Variants in DCC observed in about 807,000 individuals in gnomAD.
The protein encoded by DCC is netrin receptor DCC.
A neutral mutation model predicts 172.5 loss-of-function variants in DCC; 58 were observed. The observed-to-expected ratio is 0.34, with a 90% confidence interval of 0.27 to 0.42. The LOEUF is 0.42. Ranked by LOEUF, DCC falls within the 10% of genes least tolerant of loss-of-function variation. DCC has a pLI of 1.00. For synonymous variants in DCC, 709 were observed against 644.5 expected (o/e 1.10, Z -1.52); for missense variants, 1,740 against 1,791.0 (o/e 0.97, Z 0.51).
intron 1 of DCC, among the ~76,000 whole-genome samples, chr18:52,354,367 G>A (rs560150315): frequency 6.6e-6 from 1 of 152,234 alleles, no homozygotes; most frequent in African/African-American, 2.4e-5. Context: ...TGATAGCAAG[G>A]CCTATTATGA....
chr18:52,800,431 G>T (rs949388872), intron 2 of DCC, among the ~76,000 whole-genome samples: 2 of 152,202 alleles, frequency 1.3e-5, no homozygotes, highest in African/African-American at 4.8e-5. Context: ...TTTCCAGTGA[G>T]ATTTGAGCAG....
intron 1 of DCC, among the ~76,000 whole-genome samples, chr18:52,592,296 G>A (rs1044362763): frequency 6.6e-6 from 1 of 152,156 alleles, no homozygotes; most frequent in Non-Finnish European, 1.5e-5. Context: ...AGGAAAGAAA[G>A]GAGCATTTCA....
chr18:53,257,358 A>T (rs1251068249), intron 12 of DCC, among the ~76,000 whole-genome samples: 1 of 152,190 alleles, frequency 6.6e-6, no homozygotes, highest in Non-Finnish European at 1.5e-5. Context: ...TTTGTCATAG[A>T]TAGCTCTGAT....
At chr18:53,460,277 T>TTTTG (rs1555674670) in intron 24 of DCC, among the ~76,000 whole-genome samples, 5 of 32,374 alleles carry the variant, frequency 1.5e-4, no homozygotes, top group African/African-American at 3.4e-4. Flanking sequence ...AGCTCCTGTT[T>TTTTG]TTTTTTTTTT....
At chr18:52,352,012 G>A (rs1431555237) in intron 1 of DCC, among the ~76,000 whole-genome samples, 3 of 152,044 alleles carry the variant, frequency 2.0e-5, no homozygotes, top group Non-Finnish European at 4.4e-5. Context: ...AGCCTAGGGG[G>A]AAAAAGCATC....
intron 1 of DCC, among the ~76,000 whole-genome samples, chr18:52,386,659 C>A (rs1029666641): frequency 6.6e-6 from 1 of 151,912 alleles, no homozygotes; most frequent in Non-Finnish European, 1.5e-5. Context: ...ATGGTTTAGG[C>A]AGAGGGAAAG....
chr18:53,177,649 T>A (rs569538529), intron 8 of DCC, among the ~76,000 whole-genome samples: 17 of 152,166 alleles, frequency 1.1e-4, no homozygotes, highest in Non-Finnish European at 5.9e-5. Flanking sequence ...AGACAACAGG[T>A]GGAAGAAGAG....
intron 1 of DCC, among the ~76,000 whole-genome samples, chr18:52,426,470 C>G (rs760193517): frequency 6.6e-6 from 1 of 151,800 alleles, no homozygotes; most frequent in Non-Finnish European, 1.5e-5. Flanking sequence ...TGTGTGATGA[C>G]CAGTTTTATC....
intron 8 of DCC, among the ~76,000 whole-genome samples, chr18:53,176,673 G>T (rs1760707812): frequency 6.6e-6 from 1 of 151,966 alleles, no homozygotes; most frequent in African/African-American, 2.4e-5. Context: ...AAAAAGTCAG[G>T]AAACAACAGG....
intron 1 of DCC, among the ~76,000 whole-genome samples, chr18:52,610,551 T>A (rs1443791288): frequency 6.6e-6 from 1 of 151,564 alleles, no homozygotes; most frequent in Non-Finnish European, 1.5e-5. Flanking sequence ...ATAGACAAAC[T>A]CCTTTCCATA....
At chr18:53,193,459 A>G (rs902956784) in intron 9 of DCC, among the ~76,000 whole-genome samples, 4 of 151,502 alleles carry the variant, frequency 2.6e-5, no homozygotes, top group Admixed American at 2.0e-4. Flanking sequence ...AATCTTCACA[A>G]CAAACTTATC....
chr18:53,381,783 AATTTATTGT>A (rs1194792546), intron 15 of DCC, among the ~76,000 whole-genome samples: 4 of 151,968 alleles, frequency 2.6e-5, no homozygotes, highest in Non-Finnish European at 5.9e-5. Flanking sequence ...CAGGATAGGA[AATTTATTGT>A]ATTTATTGTA....
chr18:53,402,880 T>C lies in DCC; in HGVS notation c.2922T>C (p.Asn974=). The C allele has an allele frequency of 6.2e-7, 1 of 1,611,764 alleles. No homozygotes were observed. The highest frequency in any genetic ancestry group is 8.5e-7 in the Non-Finnish European group (1 of 1,177,856). The stretch of plus-strand genomic sequence containing the variant: ...GTTGGCAGCCTCCCTTGGAAGCCAA[T>C]GGGAAAATTACTGGTAAGCATCTCC... ...IVSWQPPLEA[N]GKITAYILFY... is the part of the protein sequence containing the mutation. Residue 974 remains asparagine (N), a synonymous_variant, in exon 19 of 29, where the codon AAT becomes AAC. Coordinates refer to ENST00000442544, the MANE Select transcript of DCC (RefSeq NM_005215.4).
rs533729500 is a variant in DCC at position 52,623,120 on chromosome 18, C to T, written c.92-128934C>T. Among the ~76,000 whole-genome samples the T allele has an allele frequency of 3.3e-5, 5 of 152,280 alleles. No individual in the cohort carries two copies. The South Asian group carries it at 1.0e-3, about 32-fold the overall frequency. On this transcript the variant is annotated intron_variant, in intron 1 of 28. Transcript: ENST00000442544. ...GGCACACAGTCACATTCATGCATTA[C>T]TTGTTGCCTCTGGCTGCAGCGGCAG...
At chr18:53,494,446 A>G (rs1053373507) in intron 26 of DCC, among the ~76,000 whole-genome samples, 1 of 152,186 alleles carries the variant, frequency 6.6e-6, no homozygotes, top group Non-Finnish European at 1.5e-5. Flanking sequence ...GTGGGAGTCT[A>G]AATCTCTTTG....
intron 5 of DCC, among the ~76,000 whole-genome samples, chr18:52,998,812 A>T (rs1436636620): frequency 6.6e-6 from 1 of 151,816 alleles, no homozygotes; most frequent in African/African-American, 2.4e-5. Context: ...ATTAGTTTTT[A>T]GGTTTGTGTG....
intron 1 of DCC, among the ~76,000 whole-genome samples, chr18:52,652,608 A>C (rs1232018284): frequency 6.6e-6 from 1 of 151,964 alleles, no homozygotes; most frequent in African/African-American, 2.4e-5. Context: ...GTTCAGTCTC[A>C]GTGTGCTTTG....
At chr18:52,888,907 A>C (rs1568169702) in intron 2 of DCC, among the ~76,000 whole-genome samples, 1 of 152,106 alleles carries the variant, frequency 6.6e-6, no homozygotes, top group Non-Finnish European at 1.5e-5. Flanking sequence ...TTACACAGAT[A>C]TCTATATATA....
At chr18:52,483,318 A>T (rs960455623) in intron 1 of DCC, among the ~76,000 whole-genome samples, 2 of 152,086 alleles carry the variant, frequency 1.3e-5, no homozygotes, top group African/African-American at 4.8e-5. Flanking sequence ...CATGCAGCCA[A>T]CTATATCTTT....
Sources: allele counts gnomAD v4.1 joint callset (sites outside exome capture counted in the v4.1 genomes callset), GRCh38; gene constraint gnomAD v4.1.1; transcripts MANE v1.5; gene names NCBI Gene and HGNC (gene_info 2026-07-23, HGNC 2026-07-21).